GCFC2: variants seen among roughly 807,000 people sequenced by gnomAD.
GCFC2 encodes GC-rich sequence DNA-binding factor 2, also known as intron Large complex component GCFC2.
A neutral mutation model predicts 99.4 loss-of-function variants in GCFC2; 102 were observed. The observed-to-expected ratio is 1.03, with a 90% confidence interval of 0.87 to 1.21. GCFC2 has a LOEUF of 1.21. Among genes scored for constraint, GCFC2 ranks in the 50% most tolerant of loss-of-function variants. GCFC2 has a pLI of 0.00. For synonymous variants in GCFC2, 338 were observed against 316.8 expected (o/e 1.07, Z -0.71); for missense variants, 973 against 920.9 (o/e 1.06, Z -0.73).
At chr2:75,712,587 C>T (rs983432930), upstream of GCFC2, among the ~76,000 whole-genome samples, 117 of 152,136 alleles carry the variant, frequency 7.7e-4, no homozygotes, top group African/African-American at 2.8e-3. Flanking sequence ...GGTCCCCTTC[C>T]ACAGTGTGGA....
At chr2:75,671,629 C>T (rs1481126342) in intron 14 of GCFC2, among the ~76,000 whole-genome samples, 2 of 152,066 alleles carry the variant, frequency 1.3e-5, no homozygotes, top group African/African-American at 4.8e-5. Context: ...TTTATAGGGT[C>T]CGTGAGCTAA....
intron 1 of GCFC2, among the ~76,000 whole-genome samples, chr2:75,709,187 A>G (rs1352719259): frequency 1.3e-5 from 2 of 152,318 alleles, no homozygotes; most frequent in East Asian, 3.9e-4. Context: ...TGATAGGTAT[A>G]ACCTACTGAA....
intron 12 of GCFC2, among the ~76,000 whole-genome samples, chr2:75,674,503 A>G (rs1679256470): frequency 6.7e-6 from 1 of 149,558 alleles, no homozygotes; most frequent in South Asian, 2.1e-4. Flanking sequence ...TATAACTTTG[A>G]AAAAAAAGCC....
At position 75,675,751 on chromosome 2, in the gene GCFC2, A is replaced by C. The variant is rs1428203874; in HGVS notation, c.1813-2231T>G. ...AGAGTAAGGTTCTGTCAAAAAAAAA[A>C]AAAAAAACAAAAAAAAGAAAAGAAA... is the stretch of plus-strand genomic sequence containing the variant. On this transcript the variant is annotated intron_variant, in intron 12 of 16. Coordinates refer to ENST00000321027, the MANE Select transcript of GCFC2 (RefSeq NM_003203.5). 5.3e-5 allele frequency among the ~76,000 whole-genome samples: 8 copies of C among 151,256 alleles called. No homozygotes were observed. In the East Asian group the frequency reaches 7.7e-4, roughly 15 times the overall value.
rs1681140808 is a variant in GCFC2, at chr2:75,710,851, G to C, written c.5C>G (p.Ala2Gly). 2 of 1,565,934 alleles carry C rather than the reference G, an allele frequency of 1.3e-6. No homozygotes were observed. The highest frequency in any genetic ancestry group is 1.4e-5 in the African/African-American group (1 of 70,700). Reference protein sequence around the residue: MAHRPKRTFRQR... With the variant: MGHRPKRTFRQR... ...CCGAAAAGTCCTTTTCGGCCTGTGAGCCATGGCCGAGGCCCGAGCGCCCGG... is the reference window on the plus strand; with the variant it reads ...CCGAAAAGTCCTTTTCGGCCTGTGACCCATGGCCGAGGCCCGAGCGCCCGG... The change falls in exon 1 of 17, where the codon GCT (alanine) becomes GGT (glycine). Residue 2 changes from alanine (A) to glycine (G), a missense_variant. By Grantham distance (60) the Ala-to-Gly change is moderately conservative. Coordinates refer to ENST00000321027, the MANE Select transcript of GCFC2 (RefSeq NM_003203.5).
chr2:75,707,742 T>TAACATGTTATTTCATAACA (rs142621860), intron 1 of GCFC2, among the ~76,000 whole-genome samples: 28,901 of 152,012 alleles, frequency 0.19, 3,452 homozygotes, highest in South Asian at 0.26. Flanking sequence ...TTCATCACAA[T>TAACATGTTATTTCATAACA]AATAACATGT....
chr2:75,665,961 C>A lies in GCFC2; in HGVS notation c.2196G>T (p.Gln732His), dbSNP rs778195806. The A allele has an allele frequency of 1.9e-6, 3 of 1,596,142 alleles. No homozygotes were observed. The highest frequency in any genetic ancestry group is 2.7e-5 in the African/African-American group (2 of 74,428). The change falls in exon 16 of 17, where the codon CAG becomes CAT. Residue 732 changes from glutamine (Q) to histidine (H), a missense_variant. Gln to His is a conservative substitution (Grantham distance 24). Transcript: ENST00000321027. ...QLENFIQFLL[Q>H]SAHKLSRSEF... is the part of the protein sequence containing the mutation. ...CACTTCTAGATAATTTATGTGCAGA[C>A]TGCAATAAAAACTGAATGAAGTTTT...
chr2:75,699,429 T>A (rs1347774090), intron 4 of GCFC2, among the ~76,000 whole-genome samples: 2 of 152,224 alleles, frequency 1.3e-5, no homozygotes, highest in Non-Finnish European at 2.9e-5. Flanking sequence ...ATCTCTGATG[T>A]ACACTATGAT....
intron 4 of GCFC2, among the ~76,000 whole-genome samples, 178 bp downstream of exon 4, chr2:75,701,012 G>A (rs1007253889): frequency 1.3e-5 from 2 of 152,150 alleles, no homozygotes; most frequent in African/African-American, 4.8e-5. Context: ...AAGAATTACC[G>A]CTCCCCACAA....
At chr2:75,698,713 T>C (rs1022828223) in intron 4 of GCFC2, among the ~76,000 whole-genome samples, 27 of 152,068 alleles carry the variant, frequency 1.8e-4, no homozygotes, top group African/African-American at 6.0e-4. Context: ...ACAGTTACAT[T>C]AGAATGTGTT....
In GCFC2 at chr2:75,689,028, T is replaced by C. The variant is rs1679935811; in HGVS notation, c.1537A>G (p.Lys513Glu). ...TTTCATATGTTAAGCATAAATACCT[T>C]AAGAGGATTCCAATCAATCAACTGA... Reference protein sequence around the residue: ...RVQLIDWNPLKLESTGLKEMP... With the variant: ...RVQLIDWNPLELESTGLKEMP... Residue 513 changes from lysine (K) to glutamate (E), a missense_variant and splice_region_variant, in exon 10 of 17, where the codon AAG becomes GAG. Physicochemically the swap from Lys to Glu is moderately conservative, Grantham distance 56. Coordinates refer to ENST00000321027, the MANE Select transcript of GCFC2 (RefSeq NM_003203.5). The C allele has an allele frequency of 6.6e-7, 1 of 1,507,394 alleles. No homozygotes were observed. The highest frequency in any genetic ancestry group is 1.4e-5 in the African/African-American group (1 of 72,044). The allele number at this position is 1,507,394 out of a possible 1,614,324, so 93.4% of individuals were successfully genotyped here.
chr2:75,712,383 G>A (rs1319508097), upstream of GCFC2, among the ~76,000 whole-genome samples: 2 of 152,200 alleles, frequency 1.3e-5, no homozygotes, highest in African/African-American at 4.8e-5. Context: ...TGGAGAACCT[G>A]TGTGTGGAAA....
At position 75,710,882 on chromosome 2, in the gene GCFC2, T is replaced by A. The variant is rs777527691; in HGVS notation, c.-27A>T. 2 of 1,520,078 alleles carry A rather than the reference T, an allele frequency of 1.3e-6. No homozygotes were observed. Among genetic ancestry groups the A allele is most frequent in the South Asian group, 2.4e-5 (2 of 82,510 alleles). The allele number at this position is 1,520,078 out of a possible 1,614,324, so 94.2% of individuals were successfully genotyped here. A position where few individuals can be genotyped will look rare whatever the true frequency, so the allele number is the denominator to read the frequency against. ...GCCGAGGCCCGAGCGCCCGGCGCCC[T>A]AGAACCCGCTGAACCGCAAGCCGCA... On this transcript the variant is annotated 5_prime_UTR_variant, in exon 1 of 17. Transcript: ENST00000321027.
intron 12 of GCFC2, among the ~76,000 whole-genome samples, chr2:75,676,324 T>C (rs1410317055): frequency 6.6e-6 from 1 of 152,180 alleles, no homozygotes; most frequent in Non-Finnish European, 1.5e-5. Context: ...ACTATTAGAT[T>C]TCAGTTAACA....
intron 6 of GCFC2, among the ~76,000 whole-genome samples, chr2:75,692,474 C>T (rs2104354936): frequency 6.6e-6 from 1 of 151,998 alleles, no homozygotes; most frequent in South Asian, 2.1e-4. Context: ...TAGCGAAACC[C>T]CTTCTCTACT....
At chr2:75,705,567 A>AGATT (rs1346888315) in intron 2 of GCFC2, among the ~76,000 whole-genome samples, 1 of 111,504 alleles carries the variant, frequency 9.0e-6, no homozygotes, top group African/African-American at 3.1e-5. Flanking sequence ...CAGTGAACCC[A>AGATT]GATTGCGCCA....
chr2:75,711,229 A>T (rs1292610779), upstream of GCFC2: 2 of 985,078 alleles, frequency 2.0e-6, no homozygotes, highest in African/African-American at 3.5e-5. Flanking sequence ...GACTGGAGCC[A>T]GATCCGTTGT....
Position 75,701,194 on chromosome 2 carries a change from A to T in GCFC2, c.713T>A (p.Ile238Lys). The part of the protein sequence containing the change: ...QQQMRKAVKI[I>K]EERDIDLSCG... ...CATGGGATAAAAAATGATTACCTCT[A>T]TGATTTTAACTGCTTTCCTCATTTG... The change falls in exon 4 of 17, where the codon ATA (isoleucine) becomes AAA (lysine). Residue 238 changes from isoleucine to lysine, a missense_variant. By Grantham distance (102) the Ile-to-Lys change is moderately radical. Transcript: ENST00000321027. 1 of 1,532,156 alleles carries T rather than the reference A, an allele frequency of 6.5e-7. No homozygotes were observed. The highest frequency in any genetic ancestry group is 9.0e-7 in the Non-Finnish European group (1 of 1,105,672). 94.9% of individuals were successfully genotyped at this position (1,532,156 alleles called of 1,614,324 possible).
chr2:75,710,780 G>C lies in GCFC2; in HGVS notation c.76C>G (p.Pro26Ala). Residue 26 changes from proline (P) to alanine (A), a missense_variant, in exon 1 of 17, where the codon CCT becomes GCT. Pro to Ala is a conservative substitution (Grantham distance 27). Coordinates refer to ENST00000321027, the MANE Select transcript of GCFC2 (RefSeq NM_003203.5). ...SSDSDGAEESPAEPGAPRELP... is the reference protein window; with the variant it reads ...SSDSDGAEESAAEPGAPRELP... ...TCCCTCGGCGCCCCAGGCTCAGCAG[G>C]CGACTCCTCGGCGCCATCGCTGTCG... 6.3e-7 allele frequency: 1 copy of C among 1,574,934 alleles called. No homozygotes were observed.
Sources: allele counts gnomAD v4.1 joint callset (sites outside exome capture counted in the v4.1 genomes callset), GRCh38; gene constraint gnomAD v4.1.1; transcripts MANE v1.5; gene names NCBI Gene and HGNC (gene_info 2026-07-23, HGNC 2026-07-21).